LRRN1: variants seen among roughly 807,000 people sequenced by gnomAD.
LRRN1 encodes the protein leucine rich repeat neuronal 1.
A neutral mutation model predicts 45.8 loss-of-function variants in LRRN1; 14 were observed. That is an observed-to-expected ratio of 0.31 (90% CI 0.20 to 0.48). The LOEUF is 0.48. Ranked by LOEUF, LRRN1 falls within the 20% of genes least tolerant of loss-of-function variation. The pLI is 0.99. For missense variants in LRRN1, 789 were observed against 874.2 expected (o/e 0.90, Z 1.23); for synonymous variants, 359 against 330.1 (o/e 1.09, Z -0.95).
chr3:3,831,974 A>G (rs963780355), intron 1 of LRRN1, among the ~76,000 whole-genome samples: 3 of 152,230 alleles, frequency 2.0e-5, no homozygotes, highest in Non-Finnish European at 4.4e-5. Context: ...AATGGAGAAA[A>G]AGGCATTTGC....
At chr3:3,818,295 GAATT>G (rs138873502) in intron 1 of LRRN1, among the ~76,000 whole-genome samples, 6,225 of 152,220 alleles carry the variant, frequency 0.041, 456 homozygotes, top group African/African-American at 0.14. Flanking sequence ...TACAGGGAGA[GAATT>G]AAAATAATCT....
Position 3,846,625 on chromosome 3 carries a change from C to T in LRRN1, c.1984C>T (p.His662Tyr). ...FAKRFKRKNY[H>Y]HSLKKYMQKT... is the part of the protein sequence containing the mutation. ...CAAAAGATTTAAGAGAAAAAACTAC[C>T]ACCACTCATTAAAAAAGTATATGCA... The change falls in exon 2 of 2, where the codon CAC becomes TAC. Residue 662 changes from histidine to tyrosine, a missense_variant. Physicochemically the swap from His to Tyr is moderately conservative, Grantham distance 83. Coordinates refer to ENST00000319331, the MANE Select transcript of LRRN1 (RefSeq NM_020873.7). This position sits in a 1 kb window ranked among gnomAD's most constrained non-coding sequence, Gnocchi z 5.7. The T allele has an allele frequency of 1.2e-6, 2 of 1,614,024 alleles. No homozygotes were observed. Among genetic ancestry groups the T allele is most frequent in the Non-Finnish European group, 1.7e-6 (2 of 1,180,012 alleles).
chr3:3,844,722 A>G lies in LRRN1; in HGVS notation c.81A>G (p.Ile27Met). The G allele has an allele frequency of 6.2e-7, 1 of 1,614,154 alleles. No homozygotes were observed. The highest frequency in any genetic ancestry group is 8.5e-7 in the Non-Finnish European group (1 of 1,180,008). Residue 27 changes from isoleucine (I) to methionine (M), a missense_variant, in exon 2 of 2, where the codon ATA becomes ATG. Coordinates refer to ENST00000319331, the MANE Select transcript of LRRN1 (RefSeq NM_020873.7). ...TGACTTCATTAACCGAGTCTTCCAT[A>G]CAGAATAGTGAGTGTCCACAACTTT... is the stretch of plus-strand genomic sequence containing the variant. ...LLMTSLTESS[I>M]QNSECPQLCV...
intron 1 of LRRN1, among the ~76,000 whole-genome samples, chr3:3,817,232 C>G (rs1489071901): frequency 6.6e-6 from 1 of 152,168 alleles, no homozygotes; most frequent in African/African-American, 2.4e-5. Context: ...AGGCACACCT[C>G]TACTTCATTT....
intron 1 of LRRN1, among the ~76,000 whole-genome samples, chr3:3,828,098 C>A (rs1693266053): frequency 6.7e-6 from 1 of 149,560 alleles, no homozygotes; most frequent in Non-Finnish European, 1.5e-5. Flanking sequence ...TGGATATTTT[C>A]CCAGTGTGTT....
intron 1 of LRRN1, among the ~76,000 whole-genome samples, chr3:3,812,196 G>C (rs1692888975): frequency 6.6e-6 from 1 of 152,220 alleles, no homozygotes; most frequent in Non-Finnish European, 1.5e-5. Flanking sequence ...TGTGGAGCTT[G>C]CTGTCTGATG....
rs1288832807 is a variant in LRRN1 at position 3,848,597 on chromosome 3, AG to A, written c.*1809del. Among the ~76,000 whole-genome samples, 2 of 152,146 alleles carry A rather than the reference AG, an allele frequency of 1.3e-5. No homozygotes were observed. Among genetic ancestry groups the A allele is most frequent in the African/African-American group, 4.8e-5 (2 of 41,434 alleles). On this transcript the variant is annotated 3_prime_UTR_variant, in exon 2 of 2. Coordinates refer to ENST00000319331, the MANE Select transcript of LRRN1 (RefSeq NM_020873.7). ...AAAAATCACTTTCTTCCCATTCTTA[AG>A]GGGTTTTGGCAAACAGAATTTCAGA...
Position 3,845,189 on chromosome 3 carries a change from A to G in LRRN1, c.548A>G (p.Asp183Gly). 6.2e-7 allele frequency: 1 copy of G among 1,614,194 alleles called. No individual in the cohort carries two copies. The highest frequency in any genetic ancestry group is 8.5e-7 in the Non-Finnish European group (1 of 1,180,030). The stretch of plus-strand genomic sequence containing the variant: ...AACTCCAACAAATTGAAAGTTATTG[A>G]TAGTCGCTGGTTTGATTCTACACCC... ...HLNSNKLKVIDSRWFDSTPNL... is the reference protein window; with the variant it reads ...HLNSNKLKVIGSRWFDSTPNL... Residue 183 changes from aspartate to glycine, a missense_variant, in exon 2 of 2, where the codon GAT becomes GGT. By Grantham distance (94) the Asp-to-Gly change is moderately conservative (BLOSUM62 -1). Coordinates refer to ENST00000319331, the MANE Select transcript of LRRN1 (RefSeq NM_020873.7). This position sits in a 1 kb window ranked among gnomAD's most constrained non-coding sequence, Gnocchi z 6.5.
Position 3,844,715 on chromosome 3 carries a change from C to G in LRRN1, c.74C>G (p.Ser25Cys). 1.2e-6 allele frequency: 2 copies of G among 1,614,118 alleles called. No individual in the cohort carries two copies. The highest frequency in any genetic ancestry group is 2.2e-5 in the East Asian group (1 of 44,872). The change falls in exon 2 of 2, where the codon TCT becomes TGT. Residue 25 changes from serine (S) to cysteine (C), a missense_variant. Coordinates refer to ENST00000319331, the MANE Select transcript of LRRN1 (RefSeq NM_020873.7). ...LGLLMTSLTE[S>C]SIQNSECPQL... is the part of the protein sequence containing the mutation. ...CTACTAATGACTTCATTAACCGAGTCTTCCATACAGAATAGTGAGTGTCCA... is the reference window on the plus strand; with the variant it reads ...CTACTAATGACTTCATTAACCGAGTGTTCCATACAGAATAGTGAGTGTCCA...
intron 1 of LRRN1, among the ~76,000 whole-genome samples, chr3:3,806,268 G>A (rs1692756612): frequency 6.6e-6 from 1 of 152,208 alleles, no homozygotes; most frequent in Non-Finnish European, 1.5e-5. Flanking sequence ...AAAGGAGACT[G>A]ACAAGTGCAG....
chr3:3,845,259 T>A lies in LRRN1; in HGVS notation c.618T>A (p.Ile206=). 6.2e-7 allele frequency: 1 copy of A among 1,614,132 alleles called. No homozygotes were observed. The highest frequency in any genetic ancestry group is 8.5e-7 in the Non-Finnish European group (1 of 1,180,040). ...LMIGENPVIG[I]LDMNFKPLAN... is the part of the protein sequence containing the mutation. ...TCGGAGAAAACCCTGTGATTGGAAT[T>A]CTGGATATGAACTTCAAACCCCTCG... The change falls in exon 2 of 2, where the codon ATT becomes ATA. Residue 206 remains isoleucine, a synonymous_variant. Coordinates refer to ENST00000319331, the MANE Select transcript of LRRN1 (RefSeq NM_020873.7). The surrounding 1 kb of genome is among the most constrained non-coding windows in gnomAD (Gnocchi z 6.5).
intron 1 of LRRN1, among the ~76,000 whole-genome samples, chr3:3,835,622 A>G (rs1183394789): frequency 6.6e-6 from 1 of 151,012 alleles, no homozygotes; most frequent in African/African-American, 2.4e-5. Context: ...AGAAATACAA[A>G]TAACTAGCTT....
intron 1 of LRRN1, among the ~76,000 whole-genome samples, chr3:3,839,249 T>A (rs941742400): frequency 2.0e-5 from 3 of 152,170 alleles, no homozygotes; most frequent in Non-Finnish European, 4.4e-5. Context: ...CACAATTTGT[T>A]GAAGAAACTG....
At chr3:3,818,173 G>C (rs1251730497) in intron 1 of LRRN1, among the ~76,000 whole-genome samples, 6 of 152,236 alleles carry the variant, frequency 3.9e-5, no homozygotes, top group Non-Finnish European at 8.8e-5. Context: ...GACTTAAACA[G>C]AAGTAATGCA....
At chr3:3,836,954 G>T (rs1026363878) in intron 1 of LRRN1, among the ~76,000 whole-genome samples, 1 of 152,138 alleles carries the variant, frequency 6.6e-6, no homozygotes, top group African/African-American at 2.4e-5. Context: ...CTGGACCAGT[G>T]CCCCTTTTTT....
Position 3,846,843 on chromosome 3 carries a change from T to G in LRRN1, c.*51T>G, listed in dbSNP as rs1196550916. ...GTAAGGAGCACAAAGACGTTTTTGC[T>G]TTATTCTGCAAAAGTGAACAAGTTG... On this transcript the variant is annotated 3_prime_UTR_variant, in exon 2 of 2. Transcript: ENST00000319331. This position sits in a 1 kb window ranked among gnomAD's most constrained non-coding sequence, Gnocchi z 5.7. 7 of 1,427,370 alleles carry G rather than the reference T, an allele frequency of 4.9e-6. No individual in the cohort carries two copies. Among genetic ancestry groups the G allele is most frequent in the African/African-American group, 1.4e-5 (1 of 69,358 alleles). The allele number at this position is 1,427,370 out of a possible 1,614,324, so 88.4% of individuals were successfully genotyped here.
chr3:3,827,460 G>A (rs1015104608), intron 1 of LRRN1: 2 of 456,562 alleles, frequency 4.4e-6, no homozygotes, highest in African/African-American at 4.0e-5. Flanking sequence ...TTGCCTCATG[G>A]AGTAGCTACA....
rs138043576 is a variant in LRRN1 at position 3,848,157 on chromosome 3, G to C, written c.*1365G>C. 2.0e-5 allele frequency among the ~76,000 whole-genome samples: 3 copies of C among 152,272 alleles called. No homozygotes were observed. Among genetic ancestry groups the C allele is most frequent in the African/African-American group, 7.2e-5 (3 of 41,558 alleles). On this transcript the variant is annotated 3_prime_UTR_variant, in exon 2 of 2. Transcript: ENST00000319331. ...CAGTTGTCTATATGCTTAGACCCGT[G>C]TTAGTCTCTATATCTGTGTGGCAAT...
rs377558254 is a variant in LRRN1, at chr3:3,846,800, G to T, written c.*8G>T. 3.7e-5 allele frequency: 59 copies of T among 1,577,524 alleles called. No homozygotes were observed. Among genetic ancestry groups the T allele is most frequent in the Non-Finnish European group, 4.4e-5 (51 of 1,165,376 alleles). ...AGCTATTACATGTGGTAACTCAGAG[G>T]ATATTTTGCTTCTGGTAGTAAGGAG... On this transcript the variant is annotated 3_prime_UTR_variant, in exon 2 of 2. Transcript: ENST00000319331. The surrounding 1 kb of genome is among the most constrained non-coding windows in gnomAD (Gnocchi z 5.7).
Sources: gnomAD v4.1 joint callset for allele counts (sites outside exome capture counted in the v4.1 genomes callset) on GRCh38, gnomAD v4.1.1 for gene constraint, Gnocchi (gnomAD v3.1) non-coding constraint, MANE v1.5 for transcripts, NCBI Gene and HGNC (gene_info 2026-07-23, HGNC 2026-07-21) for gene names.